The following SAMD4A variants were observed in gnomAD, a reference collection of about 807,000 sequenced individuals.
SAMD4A encodes the protein sterile alpha motif domain containing 4A.
A neutral mutation model predicts 81.3 loss-of-function variants in SAMD4A; 33 were observed. The ratio of observed to expected loss-of-function variants is 0.41; its 90% CI spans 0.31 to 0.54. The LOEUF (loss-of-function observed/expected upper bound fraction) is 0.54, where lower values mean the gene tolerates loss of function less well. Ranked by LOEUF, SAMD4A falls within the 20% of genes least tolerant of loss-of-function variation. The probability of loss-of-function intolerance (pLI) is 0.37; values close to 1 mark genes in which losing one functional copy is unlikely to be tolerated. For missense variants in SAMD4A, 854 were observed against 951.1 expected, an observed-to-expected ratio of 0.90 and a Z score of 1.34; for synonymous variants, 389 against 382.1, an observed-to-expected ratio of 1.02 and a Z score of -0.21.
chr14:54,709,898 G>A (rs972282621), intron 3 of SAMD4A, among the ~76,000 whole-genome samples: 1 of 152,220 alleles, frequency 6.6e-6, no homozygotes, highest in East Asian at 1.9e-4. Context: ...AGAGCCTACA[G>A]AATTCCCCTG....
chr14:54,719,625 G>A (rs548475955), intron 3 of SAMD4A, among the ~76,000 whole-genome samples: 5 of 152,272 alleles, frequency 3.3e-5, no homozygotes, highest in South Asian at 2.1e-4. Context: ...AGTCCAGAAC[G>A]GTCTTGGGCA....
At chr14:54,588,034 A>G (rs1391754463) in intron 2 of SAMD4A, among the ~76,000 whole-genome samples, 1 of 151,982 alleles carries the variant, frequency 6.6e-6, no homozygotes, top group Non-Finnish European at 1.5e-5. Flanking sequence ...TTTGTTGGCA[A>G]TTTTTAAAAT....
intron 2 of SAMD4A, among the ~76,000 whole-genome samples, chr14:54,655,976 A>C (rs985830028): frequency 1.3e-5 from 2 of 152,214 alleles, no homozygotes; most frequent in African/African-American, 4.8e-5. Flanking sequence ...GAAAGGAGTT[A>C]ATACATGGAA....
chr14:54,566,501 T>A (rs1478303210), upstream of SAMD4A, among the ~76,000 whole-genome samples: 5 of 151,778 alleles, frequency 3.3e-5, no homozygotes, highest in African/African-American at 9.6e-5. Flanking sequence ...AGAACCGGGA[T>A]GGGACTGGGG....
At chr14:54,767,525 C>T (rs1309208884) in intron 8 of SAMD4A, among the ~76,000 whole-genome samples, 2 of 152,202 alleles carry the variant, frequency 1.3e-5, no homozygotes, top group East Asian at 1.9e-4. Flanking sequence ...GAGCTCTTGC[C>T]GCTTTATGAA....
rs187156290 is a variant in SAMD4A, at chr14:54,771,187, C to A, written c.1715+965C>A. 3.5e-3 allele frequency among the ~76,000 whole-genome samples: 534 copies of A among 152,304 alleles called. 3 individuals are homozygous for A. The highest frequency in any genetic ancestry group is 0.012 in the African/African-American group (508 of 41,570). ...AGACTTCATGAAAGATTAATTTTAACACTGAAGTGTGATCACATTCCAGCA... is the reference window on the plus strand; with the variant it reads ...AGACTTCATGAAAGATTAATTTTAAAACTGAAGTGTGATCACATTCCAGCA... On this transcript the variant is annotated intron_variant, in intron 9 of 12. Transcript: ENST00000554335.
intron 2 of SAMD4A, among the ~76,000 whole-genome samples, chr14:54,658,102 G>T (rs1356676854): frequency 6.6e-6 from 1 of 152,166 alleles, no homozygotes; most frequent in Non-Finnish European, 1.5e-5. Context: ...TTGAGGTCAG[G>T]ACTTTGAGAC....
At chr14:54,764,677 C>A in intron 8 of SAMD4A, 137 bp downstream of exon 8, 2 of 607,824 alleles carry the variant, frequency 3.3e-6, no homozygotes, top group Non-Finnish European at 5.8e-6. Context: ...ATAGGTTGGG[C>A]AGAACTAGGC....
intron 3 of SAMD4A, among the ~76,000 whole-genome samples, chr14:54,723,576 T>A (rs1312604205): frequency 6.6e-6 from 1 of 152,202 alleles, no homozygotes; most frequent in African/African-American, 2.4e-5. Flanking sequence ...TAATTGAAAT[T>A]GAAATGACCT....
chr14:54,573,505 AT>A (rs1321063605), intron 2 of SAMD4A, among the ~76,000 whole-genome samples: 1 of 152,170 alleles, frequency 6.6e-6, no homozygotes. Flanking sequence ...CCAAGGAGAA[AT>A]TTGGAGGTTT....
intron 2 of SAMD4A, among the ~76,000 whole-genome samples, chr14:54,644,508 A>G (rs1396230313): frequency 6.6e-6 from 1 of 152,210 alleles, no homozygotes; most frequent in African/African-American, 2.4e-5. Context: ...GCCACAGTGC[A>G]GGTGAGAAAA....
chr14:54,769,968 A>G, intron 8 of SAMD4A, 136 bp from the exon 9 acceptor site: 3 of 631,560 alleles, frequency 4.8e-6, no homozygotes, highest in Non-Finnish European at 8.5e-6. Context: ...TAAACTGACT[A>G]CGTTTGGACC....
In SAMD4A at chr14:54,748,873, G is replaced by C; in HGVS notation, c.1038G>C (p.Gln346His). ...RLHKYAALFS[Q>H]MTYEEMMALT... ...ACAAATATGCCGCGCTTTTCTCCCA[G>C]ATGACCTATGAGGAGATGATGGCCC... The change falls in exon 5 of 13, where the codon CAG becomes CAC. Residue 346 changes from glutamine (Q) to histidine (H), a missense_variant. By Grantham distance (24) the Gln-to-His change is conservative. Coordinates refer to ENST00000554335, the MANE Select transcript of SAMD4A (RefSeq NM_015589.6). The C allele has an allele frequency of 3.2e-6, 5 of 1,555,414 alleles. No individual in the cohort carries two copies. Among genetic ancestry groups the C allele is most frequent in the Non-Finnish European group, 4.4e-6 (5 of 1,148,674 alleles).
At chr14:54,659,213 A>T (rs929506857) in intron 2 of SAMD4A, among the ~76,000 whole-genome samples, 1 of 152,206 alleles carries the variant, frequency 6.6e-6, no homozygotes, top group Non-Finnish European at 1.5e-5. Context: ...TGTTGAAGAC[A>T]CTAGGGTTAC....
At chr14:54,591,546 G>GT (rs377233167) in intron 2 of SAMD4A, among the ~76,000 whole-genome samples, 13 of 143,872 alleles carry the variant, frequency 9.0e-5, no homozygotes, top group Middle Eastern at 3.4e-3. Context: ...TTTTTGTTTT[G>GT]TTTTTTTTGA....
intron 9 of SAMD4A, among the ~76,000 whole-genome samples, chr14:54,773,768 C>A (rs1405493437): frequency 6.6e-6 from 1 of 152,238 alleles, no homozygotes; most frequent in Admixed American, 6.5e-5. Context: ...ATATCCCTCG[C>A]CCCACAGGTG....
intron 3 of SAMD4A, among the ~76,000 whole-genome samples, chr14:54,734,514 A>G (rs1159712895): frequency 6.6e-6 from 1 of 152,240 alleles, no homozygotes; most frequent in Non-Finnish European, 1.5e-5. Flanking sequence ...AGTTCATGTC[A>G]TATCCCTTAT....
intron 2 of SAMD4A, among the ~76,000 whole-genome samples, chr14:54,624,009 A>T (rs1291914388): frequency 6.6e-6 from 1 of 151,444 alleles, no homozygotes; most frequent in African/African-American, 2.4e-5. Flanking sequence ...ATGGAGTCTC[A>T]CTCTTGCTCA....
intron 2 of SAMD4A, among the ~76,000 whole-genome samples, chr14:54,643,483 A>G (rs970803498): frequency 2.0e-5 from 3 of 152,244 alleles, no homozygotes; most frequent in East Asian, 1.9e-4. Flanking sequence ...GCCTTGAGCT[A>G]GGAGGTCTCC....
Sources: allele counts gnomAD v4.1 joint callset (sites outside exome capture counted in the v4.1 genomes callset), GRCh38; gene constraint gnomAD v4.1.1; transcripts MANE v1.5; gene names NCBI Gene and HGNC (gene_info 2026-07-23, HGNC 2026-07-21).